ZPBP: variants seen among roughly 807,000 people sequenced by gnomAD.
ZPBP encodes the protein zona pellucida-binding protein 1.
ZPBP carries 26 observed loss-of-function variants against 44.8 expected under a neutral mutation model. That is an observed-to-expected ratio of 0.58 (90% confidence interval 0.43 to 0.81). The LOEUF (loss-of-function observed/expected upper bound fraction) is 0.81. ZPBP is among the 30% of genes least tolerant of loss of function. The probability of loss-of-function intolerance (pLI) is 0.00; values close to 1 mark genes in which losing one functional copy is unlikely to be tolerated. For synonymous variants in ZPBP, 174 were observed against 153.2 expected (o/e 1.14, Z -1.00); for missense variants, 409 against 434.0 (o/e 0.94, Z 0.51).
At position 50,081,836 on chromosome 7, in the gene ZPBP, C is replaced by T. The variant is rs754918616; in HGVS notation, c.272G>A (p.Arg91Gln). 1.8e-5 allele frequency: 29 copies of T among 1,611,476 alleles called. No homozygotes were observed. In the Middle Eastern group the frequency reaches 5.0e-4, roughly 28 times the overall value. Residue 91 changes from arginine (R) to glutamine (Q), a missense_variant, in exon 3 of 8, where the codon CGA (arginine) becomes CAA (glutamine). This residue lies in a region of ZPBP where 367 missense variants were observed against 363.1 expected (regional missense o/e 1.01). Coordinates refer to ENST00000046087, the MANE Select transcript of ZPBP (RefSeq NM_007009.3). Reference sequence around the variant, plus strand: ...TGATGGGTCTATCAGTTCAGCATTTCGCAGTTGTTGCGTTACACATAACAC... The same window carrying T: ...TGATGGGTCTATCAGTTCAGCATTTTGCAGTTGTTGCGTTACACATAACAC... Reference protein sequence around the residue: ...PHVLCVTQQLRNAELIDPSFQ... With the variant: ...PHVLCVTQQLQNAELIDPSFQ...
intron 1 of ZPBP, chr7:49,915,660 A>G (rs1793681494): frequency 1.3e-5 from 2 of 152,200 alleles, no homozygotes; most frequent in Non-Finnish European, 2.9e-5. Context: ...ATTATTTTAA[A>G]TGTGGACTAT....
intron 2 of ZPBP, among the ~76,000 whole-genome samples, chr7:49,859,250 T>A (rs2128719537): frequency 6.6e-6 from 1 of 152,188 alleles, no homozygotes; most frequent in South Asian, 2.1e-4. Flanking sequence ...ATTTGGGGGG[T>A]TCTTCTTTTC....
intron 6 of ZPBP, among the ~76,000 whole-genome samples, chr7:49,996,544 GA>G (rs1797857776): frequency 6.6e-6 from 1 of 152,166 alleles, no homozygotes; most frequent in South Asian, 2.1e-4. Context: ...TCCCATTAGG[GA>G]AGGCTGGGAG....
chr7:50,058,310 T>A, intron 3 of ZPBP, among the ~76,000 whole-genome samples, 169 bp from the exon 4 acceptor site: 1 of 152,206 alleles, frequency 6.6e-6, no homozygotes, highest in South Asian at 2.1e-4. Flanking sequence ...GATGCCAGGA[T>A]AACCTTCTTA....
intron 3 of ZPBP, among the ~76,000 whole-genome samples, chr7:50,075,578 C>T (rs1357878386): frequency 6.6e-6 from 1 of 151,896 alleles, no homozygotes; most frequent in East Asian, 1.9e-4. Context: ...GACATTATGA[C>T]TGATACTGCA....
intron 7 of ZPBP, among the ~76,000 whole-genome samples, chr7:49,954,888 T>C (rs889975118): frequency 6.6e-6 from 1 of 152,194 alleles, no homozygotes; most frequent in Admixed American, 6.5e-5. Flanking sequence ...AACTTTTTAT[T>C]CATGGGAGCA....
intron 5 of ZPBP, among the ~76,000 whole-genome samples, chr7:50,026,907 G>C (rs1052562661): frequency 1.3e-5 from 2 of 151,962 alleles, no homozygotes; most frequent in Non-Finnish European, 2.9e-5. Context: ...CCTTAAGCCA[G>C]TTTCAGCAAG....
intron 6 of ZPBP, among the ~76,000 whole-genome samples, chr7:49,999,705 C>T (rs1376060400): frequency 3.0e-4 from 2 of 6,628 alleles, no homozygotes; most frequent in Non-Finnish European, 7.7e-4. Flanking sequence ...CAAATCCTCC[C>T]TTCTTCTATT....
intron 4 of ZPBP, among the ~76,000 whole-genome samples, chr7:50,047,046 C>T (rs1800406291): frequency 6.6e-6 from 1 of 152,080 alleles, no homozygotes; most frequent in Non-Finnish European, 1.5e-5. Flanking sequence ...AACACAGGAA[C>T]AGAAAACCAA....
In ZPBP at chr7:49,977,667, T is replaced by A. The variant is rs1796591532; in HGVS notation, c.961+5675A>T. ...TGAATCAGCAATAGCTATTCTTTTT[T>A]TAAAAAAGAGAAAGCAATAGGAAAA... On this transcript the variant is annotated intron_variant, in intron 7 of 7. Transcript: ENST00000046087. Among the ~76,000 whole-genome samples, 7 of 152,240 alleles carry A rather than the reference T, an allele frequency of 4.6e-5. No individual in the cohort carries two copies. In the South Asian group the frequency reaches 1.2e-3, roughly 27 times the overall value.
chr7:49,963,567 T>G (rs1287223006), intron 7 of ZPBP, among the ~76,000 whole-genome samples: 2 of 151,778 alleles, frequency 1.3e-5, no homozygotes, highest in Non-Finnish European at 3.0e-5. Flanking sequence ...AGGGAACCAT[T>G]TAGGGTGATG....
intron 1 of ZPBP, chr7:49,911,923 G>GCAGACACACACACA: frequency 2.9e-6 from 1 of 344,564 alleles, no homozygotes; most frequent in South Asian, 1.2e-4. Flanking sequence ...ACAAATACAC[G>GCAGACACACACACA]CACACACACA....
chr7:50,035,296 T>C (rs1373089478), intron 4 of ZPBP, among the ~76,000 whole-genome samples: 1 of 152,200 alleles, frequency 6.6e-6, no homozygotes, highest in Admixed American at 6.5e-5. Flanking sequence ...TTCTCCCTTG[T>C]TAACCTGGCT....
At chr7:49,880,366 G>C (rs900222044) in intron 2 of ZPBP, among the ~76,000 whole-genome samples, 2 of 151,816 alleles carry the variant, frequency 1.3e-5, no homozygotes, top group Non-Finnish European at 2.9e-5. Context: ...TGAATTTATA[G>C]ATAACTTTGG....
chr7:49,882,628 G>C (rs1791717875), intron 2 of ZPBP, among the ~76,000 whole-genome samples: 1 of 152,052 alleles, frequency 6.6e-6, no homozygotes, highest in Non-Finnish European at 1.5e-5. Flanking sequence ...GGCAGGGAGA[G>C]AGACAGGGAG....
chr7:50,058,754 G>T (rs1239375302), intron 3 of ZPBP, among the ~76,000 whole-genome samples: 1 of 152,146 alleles, frequency 6.6e-6, no homozygotes, highest in East Asian at 1.9e-4. Flanking sequence ...AGTGCTGGGG[G>T]TTAGAATGGG....
chr7:49,926,422 T>A (rs1249242326), intron 1 of ZPBP, among the ~76,000 whole-genome samples: 2 of 152,246 alleles, frequency 1.3e-5, no homozygotes, highest in South Asian at 2.1e-4. Context: ...CCCAAAGTCT[T>A]CAATCTTGTT....
intron 4 of ZPBP, among the ~76,000 whole-genome samples, chr7:50,054,219 A>G (rs1800822846): frequency 6.6e-6 from 1 of 152,134 alleles, no homozygotes; most frequent in Non-Finnish European, 1.5e-5. Flanking sequence ...AAACAAAACA[A>G]AAGCAAAACA....
At chr7:50,067,629 C>T (rs1299921243) in intron 3 of ZPBP, among the ~76,000 whole-genome samples, 7 of 152,156 alleles carry the variant, frequency 4.6e-5, no homozygotes, top group Non-Finnish European at 8.8e-5. Context: ...CAAATCTCTT[C>T]GGCTTGAGAA....
Sources: gnomAD v4.1 joint callset for allele counts (sites outside exome capture counted in the v4.1 genomes callset) on GRCh38, gnomAD v4.1.1 for gene constraint, gnomAD v4.1.1 regional missense constraint, MANE v1.5 for transcripts, NCBI Gene and HGNC (gene_info 2026-07-23, HGNC 2026-07-21) for gene names.